Variants in ZHX3 observed in about 807,000 individuals in gnomAD.
ZHX3 encodes the protein zinc fingers and homeoboxes protein 3.
ZHX3 carries 20 observed loss-of-function variants against 64.5 expected under a neutral mutation model. The ratio of observed to expected loss-of-function variants is 0.31; its 90% CI spans 0.22 to 0.45. The LOEUF is 0.45. Among genes scored for constraint, ZHX3 ranks in the 20% least tolerant of loss-of-function variants. The pLI, the probability that ZHX3 is intolerant of heterozygous loss-of-function variation, is 1.00. For synonymous variants in ZHX3, 423 were observed against 461.6 expected, an observed-to-expected ratio of 0.92 and a Z score of 1.07; for missense variants, 1,041 against 1,195.8, an observed-to-expected ratio of 0.87 and a Z score of 1.91.
At chr20:41,315,157 A>T (rs1453241108) in intron 1 of ZHX3, among the ~76,000 whole-genome samples, 1 of 152,156 alleles carries the variant, frequency 6.6e-6, no homozygotes, top group African/African-American at 2.4e-5. Context: ...CGGAGGGAAC[A>T]GCAAATGCAA....
At chr20:41,298,832 T>C (rs964567068) in intron 1 of ZHX3, among the ~76,000 whole-genome samples, 1 of 152,224 alleles carries the variant, frequency 6.6e-6, no homozygotes, top group Non-Finnish European at 1.5e-5. Context: ...AGAAAGCTTC[T>C]TCAGGTACTT....
intron 2 of ZHX3, among the ~76,000 whole-genome samples, chr20:41,261,144 T>C (rs1716931074): frequency 6.6e-6 from 1 of 151,866 alleles, no homozygotes; most frequent in Non-Finnish European, 1.5e-5. Flanking sequence ...GGACATGACC[T>C]GGAAACATCT....
chr20:41,253,054 G>T (rs548194573), intron 2 of ZHX3, among the ~76,000 whole-genome samples: 139 of 152,218 alleles, frequency 9.1e-4, no homozygotes, highest in African/African-American at 3.3e-3. Flanking sequence ...AGCCAACCTT[G>T]ACCTTAAGGA....
intron 2 of ZHX3, among the ~76,000 whole-genome samples, chr20:41,234,361 G>C (rs1395300888): frequency 6.6e-6 from 1 of 152,170 alleles, no homozygotes; most frequent in Non-Finnish European, 1.5e-5. Flanking sequence ...CAGAACCTTG[G>C]ACCTATGATC....
Position 41,179,459 on chromosome 20 carries a change from A to T in ZHX3, c.*5732T>A, listed in dbSNP as rs1042919931. On this transcript the variant is annotated 3_prime_UTR_variant, in exon 4 of 4. Coordinates refer to ENST00000683867, the MANE Select transcript of ZHX3 (RefSeq NM_001384317.1). The surrounding 1 kb of genome is among the most constrained non-coding windows in gnomAD (Gnocchi z 4.3). ...CAAACAGTATGGGCAGGAACCAGGG[A>T]TGAGTGACAAGATCTCCCTAAACAA... 6.6e-6 allele frequency: 1 copy of T among 152,154 alleles called. No individual in the cohort carries two copies. The highest frequency in any genetic ancestry group is 1.5e-5 in the Non-Finnish European group (1 of 68,036). 9.4% of individuals were successfully genotyped at this position (152,154 alleles called of 1,614,324 possible). A position where few individuals can be genotyped will look rare whatever the true frequency, so the allele number is the denominator to read the frequency against.
At chr20:41,251,116 T>G (rs1015176527) in intron 2 of ZHX3, among the ~76,000 whole-genome samples, 4 of 151,944 alleles carry the variant, frequency 2.6e-5, no homozygotes, top group Non-Finnish European at 4.4e-5. Context: ...TTCTGAAGCA[T>G]CAAAAGGGAA....
At chr20:41,252,680 G>A (rs2042047864) in intron 2 of ZHX3, among the ~76,000 whole-genome samples, 1 of 152,034 alleles carries the variant, frequency 6.6e-6, no homozygotes, top group African/African-American at 2.4e-5. Context: ...AAATTCTAAA[G>A]TAATCTTCAG....
In ZHX3 at chr20:41,185,175, A is replaced by G. The variant is rs1600694249; in HGVS notation, c.*16T>C. ...TTTCCCAGACTGGCCAGTCCTTCAC[A>G]TTAATCAGATCAAATTCAGTCTGTT... is the stretch of plus-strand genomic sequence containing the variant. On this transcript the variant is annotated 3_prime_UTR_variant, in exon 4 of 4. Coordinates refer to ENST00000683867, the MANE Select transcript of ZHX3 (RefSeq NM_001384317.1). The surrounding 1 kb of genome is among the most constrained non-coding windows in gnomAD (Gnocchi z 5.0). The G allele has an allele frequency of 1.2e-6, 2 of 1,608,972 alleles. No individual in the cohort carries two copies.
Position 41,180,598 on chromosome 20 carries a change from C to CA in ZHX3, c.*4592dup, listed in dbSNP as rs2036214436. On this transcript the variant is annotated 3_prime_UTR_variant, in exon 4 of 4. Transcript: ENST00000683867. ...AATGAAGAACCAAAAAGGAGGCTCT[C>CA]AACCCCTCTCCAAGGCCAGACGCTC... The CA allele has an allele frequency of 6.6e-6, 1 of 152,334 alleles. No homozygotes were observed. Among genetic ancestry groups the CA allele is most frequent in the Non-Finnish European group, 1.5e-5 (1 of 68,120 alleles). The allele number at this position is 152,334 out of a possible 1,614,324, so 9.4% of individuals were successfully genotyped here.
At position 41,204,423 on chromosome 20, in the gene ZHX3, G is replaced by A. The variant is rs148161083; in HGVS notation, c.494C>T (p.Ala165Val). Residue 165 changes from alanine (A) to valine (V), a missense_variant, in exon 3 of 4, where the codon GCG (alanine) becomes GTG (valine). This residue lies in a region of ZHX3 where 358 missense variants were observed against 369.1 expected (regional missense o/e 0.97). Transcript: ENST00000683867. This position sits in a 1 kb window ranked among gnomAD's most constrained non-coding sequence, Gnocchi z 6.6. Reference sequence around the variant, plus strand: ...AGCCCCTTCAGCACTGGGCTCACCCGCTAGGTCAGGAGTGCTGGTGCTCTC... The same window carrying A: ...AGCCCCTTCAGCACTGGGCTCACCCACTAGGTCAGGAGTGCTGGTGCTCTC... ...IPESTSTPDL[A>V]GEPSAEGADG... The A allele has an allele frequency of 4.9e-5, 79 of 1,614,122 alleles. No homozygotes were observed. The highest frequency in any genetic ancestry group is 2.0e-4 in the African/African-American group (15 of 75,006).
chr20:41,282,938 T>C (rs2146698502), intron 1 of ZHX3, among the ~76,000 whole-genome samples: 1 of 152,202 alleles, frequency 6.6e-6, no homozygotes, highest in South Asian at 2.1e-4. Context: ...AGACAGGGTC[T>C]TGCTCTGTCG....
chr20:41,314,671 A>G (rs1227208029), intron 1 of ZHX3, among the ~76,000 whole-genome samples: 2 of 152,208 alleles, frequency 1.3e-5, no homozygotes, highest in East Asian at 3.8e-4. Flanking sequence ...TTAAATCAAG[A>G]CCGTAATTCT....
chr20:41,266,722 T>G (rs1048130630), intron 2 of ZHX3, among the ~76,000 whole-genome samples: 1 of 151,658 alleles, frequency 6.6e-6, no homozygotes, highest in Non-Finnish European at 1.5e-5. Flanking sequence ...ATTTTTTGTA[T>G]TTTTAGTAGA....
intron 3 of ZHX3, among the ~76,000 whole-genome samples, chr20:41,186,622 G>GCA (rs1213057785): frequency 1.3e-5 from 2 of 152,192 alleles, no homozygotes; most frequent in Non-Finnish European, 1.5e-5. Context: ...ATGCACAAGG[G>GCA]ATCCAGTTTC....
rs1327185581 is a variant in ZHX3 at position 41,185,680 on chromosome 20, G to A, written c.2861-479C>T. 6.0e-6 allele frequency: 1 copy of A among 166,484 alleles called. No individual in the cohort carries two copies. The highest frequency in any genetic ancestry group is 1.3e-5 in the Non-Finnish European group (1 of 78,038). 10.3% of individuals were successfully genotyped at this position (166,484 alleles called of 1,614,324 possible). A position where few individuals can be genotyped will look rare whatever the true frequency, so the allele number is the denominator to read the frequency against. On this transcript the variant is annotated intron_variant, in intron 3 of 3. Coordinates refer to ENST00000683867, the MANE Select transcript of ZHX3 (RefSeq NM_001384317.1). This position sits in a 1 kb window ranked among gnomAD's most constrained non-coding sequence, Gnocchi z 5.0. ...TGTAACTTGCAACCCTAACATCAAA[G>A]TCAAAGTAAGGCTGATATCAGAGAG...
intron 3 of ZHX3, chr20:41,197,151 G>T: frequency 4.7e-6 from 1 of 212,430 alleles, no homozygotes. Flanking sequence ...ACAAAACTGG[G>T]ATCATCTTGG....
At chr20:41,316,893 C>G (rs2045303799) in intron 1 of ZHX3, 1 of 152,294 alleles carries the variant, frequency 6.6e-6, no homozygotes, top group South Asian at 2.1e-4. Context: ...GACCTGGGGC[C>G]CACGTGTAGT....
intron 2 of ZHX3, among the ~76,000 whole-genome samples, chr20:41,241,962 CATT>C (rs2041410807): frequency 6.6e-6 from 1 of 152,020 alleles, no homozygotes; most frequent in South Asian, 2.1e-4. Context: ...AAATTACTGT[CATT>C]ATCAGATTAT....
At chr20:41,245,387 T>G (rs771287365) in intron 2 of ZHX3, among the ~76,000 whole-genome samples, 13 of 152,234 alleles carry the variant, frequency 8.5e-5, no homozygotes, top group Non-Finnish European at 1.9e-4. Flanking sequence ...CTTGTCTGTT[T>G]GCTCTGCAAC....
Sources: allele counts gnomAD v4.1 joint callset (sites outside exome capture counted in the v4.1 genomes callset), GRCh38; gene constraint gnomAD v4.1.1; regional missense constraint gnomAD v4.1.1; non-coding constraint Gnocchi (gnomAD v3.1); transcripts MANE v1.5; gene names NCBI Gene and HGNC (gene_info 2026-07-23, HGNC 2026-07-21).